ROR1: variants seen among roughly 807,000 people sequenced by gnomAD.
ROR1 encodes the protein inactive tyrosine-protein kinase transmembrane receptor ROR1.
Under a neutral mutation model 78.8 loss-of-function variants are expected in ROR1, and 19 were observed. That is an observed-to-expected ratio of 0.24 (90% CI 0.17 to 0.35). The LOEUF is 0.35. Ranked by LOEUF, ROR1 falls within the 10% of genes least tolerant of loss-of-function variation. The pLI is 1.00. For synonymous variants in ROR1, 386 were observed against 433.6 expected (o/e 0.89, Z 1.36); for missense variants, 917 against 1,177.8 (o/e 0.78, Z 3.24).
intron 1 of ROR1, among the ~76,000 whole-genome samples, chr1:63,886,779 G>A (rs1569862519): frequency 6.6e-6 from 1 of 151,936 alleles, no homozygotes. Flanking sequence ...CTCCATACTC[G>A]ACCACCCACC....
At chr1:63,936,749 C>T (rs1645797370) in intron 1 of ROR1, among the ~76,000 whole-genome samples, 3 of 152,182 alleles carry the variant, frequency 2.0e-5, no homozygotes. Flanking sequence ...TGAGCACTTT[C>T]CTTAGCTCCT....
Position 64,153,288 on chromosome 1 carries a change from T to A in ROR1, c.1175-5693T>A, listed in dbSNP as rs903006460. On this transcript the variant is annotated intron_variant, in intron 7 of 8. Coordinates refer to ENST00000371079, the MANE Select transcript of ROR1 (RefSeq NM_005012.4). ...GCAAGTGTGAAGAAATTGGAACCAT[T>A]GTGATCTGTTGATAGGAATGTAAAA... Among the ~76,000 whole-genome samples the A allele has an allele frequency of 3.3e-5, 5 of 152,306 alleles. No homozygotes were observed. In the East Asian group the frequency reaches 9.6e-4, roughly 29 times the overall value.
chr1:63,966,507 A>G (rs1646076743), intron 1 of ROR1, among the ~76,000 whole-genome samples: 1 of 152,200 alleles, frequency 6.6e-6, no homozygotes, highest in Non-Finnish European at 1.5e-5. Context: ...TCTGGAAACT[A>G]CAAAGTGTTA....
At chr1:63,852,031 C>T (rs556286575) in intron 1 of ROR1, among the ~76,000 whole-genome samples, 191 of 152,320 alleles carry the variant, frequency 1.3e-3, no homozygotes, top group Non-Finnish European at 2.2e-3. Flanking sequence ...CATTAGGTCA[C>T]GTAGATATTC....
intron 2 of ROR1, among the ~76,000 whole-genome samples, chr1:64,021,480 A>G (rs1455141430): frequency 6.6e-6 from 1 of 152,198 alleles, no homozygotes; most frequent in Non-Finnish European, 1.5e-5. Flanking sequence ...GGGAAGTACT[A>G]TTATACCTGA....
chr1:64,114,965 T>G (rs2086595798), intron 4 of ROR1, among the ~76,000 whole-genome samples: 1 of 152,108 alleles, frequency 6.6e-6, no homozygotes, highest in African/African-American at 2.4e-5. Flanking sequence ...ATAAGATGGT[T>G]GTTTGTTTGC....
intron 1 of ROR1, among the ~76,000 whole-genome samples, chr1:63,985,055 C>T (rs1646240175): frequency 6.6e-6 from 1 of 151,988 alleles, no homozygotes; most frequent in Non-Finnish European, 1.5e-5. Flanking sequence ...TACTACATAC[C>T]CAGGGTGTGT....
At chr1:64,142,144 A>G (rs1649335530) in intron 6 of ROR1, among the ~76,000 whole-genome samples, 1 of 152,148 alleles carries the variant, frequency 6.6e-6, no homozygotes, top group Non-Finnish European at 1.5e-5. Context: ...TTCTGTGTTC[A>G]ATGTTAGAAA....
chr1:64,062,348 G>A (rs1172079947), intron 4 of ROR1, among the ~76,000 whole-genome samples: 1 of 152,098 alleles, frequency 6.6e-6, no homozygotes, highest in Non-Finnish European at 1.5e-5. Flanking sequence ...GTCTTGCTCT[G>A]TTGCCCAGGC....
chr1:64,108,452 T>A (rs949910039), intron 4 of ROR1: 3 of 133,858 alleles, frequency 2.2e-5, no homozygotes, highest in Non-Finnish European at 3.1e-5. Flanking sequence ...TAGCTTTAAG[T>A]GCTAGGACAC....
At chr1:63,900,175 C>T (rs1569880386) in intron 1 of ROR1, among the ~76,000 whole-genome samples, 2 of 152,064 alleles carry the variant, frequency 1.3e-5, no homozygotes, top group South Asian at 2.1e-4. Context: ...AAAAGTTGGC[C>T]GGGCGTGGTG....
In ROR1 at chr1:64,142,447, C is replaced by A; in HGVS notation, c.971C>A (p.Thr324Asn). ...AGCACAGGTGTGGACTACCGGGGGA[C>A]CGTCAGTGTGACCAAATCAGGGCGC... is the stretch of plus-strand genomic sequence containing the variant. ...YNSTGVDYRG[T>N]VSVTKSGRQC... The change falls in exon 7 of 9, where the codon ACC (threonine) becomes AAC (asparagine). Residue 324 changes from threonine (T) to asparagine (N), a missense_variant. Physicochemically the swap from Thr to Asn is moderately conservative, Grantham distance 65 (BLOSUM62 0). Around this residue, in one of 3 missense-constraint regions of ROR1, gnomAD observed 835 missense variants for 1,069.8 expected, o/e 0.78. Coordinates refer to ENST00000371079, the MANE Select transcript of ROR1 (RefSeq NM_005012.4). 1 of 1,614,142 alleles carries A rather than the reference C, an allele frequency of 6.2e-7. No individual in the cohort carries two copies. Among genetic ancestry groups the A allele is most frequent in the Non-Finnish European group, 8.5e-7 (1 of 1,180,010 alleles).
chr1:63,823,841 G>C (rs1049114242), intron 1 of ROR1, among the ~76,000 whole-genome samples: 1 of 151,522 alleles, frequency 6.6e-6, no homozygotes, highest in Non-Finnish European at 1.5e-5. Context: ...TCTGCCTCCC[G>C]GGTTCAAGCC....
In ROR1 at chr1:63,853,925, T is replaced by A. The variant is rs374637637; in HGVS notation, c.91+79417T>A. On this transcript the variant is annotated intron_variant, in intron 1 of 8. Coordinates refer to ENST00000371079, the MANE Select transcript of ROR1 (RefSeq NM_005012.4). ...GATGGATAAAAACCATACGGTTTCATGTAAAGATCACCAGCTTCCCAGAAC... is the reference window on the plus strand; with the variant it reads ...GATGGATAAAAACCATACGGTTTCAAGTAAAGATCACCAGCTTCCCAGAAC... Among the ~76,000 whole-genome samples the A allele has an allele frequency of 1.4e-4, 21 of 152,304 alleles. No individual in the cohort carries two copies. In the East Asian group the frequency reaches 3.5e-3, roughly 25 times the overall value.
intron 1 of ROR1, among the ~76,000 whole-genome samples, chr1:63,999,088 A>G (rs1366835734): frequency 6.6e-6 from 1 of 152,214 alleles, no homozygotes; most frequent in Non-Finnish European, 1.5e-5. Context: ...AGTCTCGGGT[A>G]TGTCTTTATC....
At chr1:63,894,618 G>A (rs1246604819) in intron 1 of ROR1, among the ~76,000 whole-genome samples, 2 of 152,088 alleles carry the variant, frequency 1.3e-5, no homozygotes, top group African/African-American at 4.8e-5. Flanking sequence ...TGGGACAGGT[G>A]GGTAAGAGAA....
chr1:63,908,031 T>A (rs1645541887), intron 1 of ROR1, among the ~76,000 whole-genome samples: 1 of 152,210 alleles, frequency 6.6e-6, no homozygotes, highest in Non-Finnish European at 1.5e-5. Context: ...AATGCATAGA[T>A]AATGCATGGT....
intron 7 of ROR1, among the ~76,000 whole-genome samples, chr1:64,151,009 TACCA>T (rs1476876497): frequency 6.6e-6 from 1 of 152,188 alleles, no homozygotes; most frequent in Non-Finnish European, 1.5e-5. Flanking sequence ...TCTGATATAA[TACCA>T]CAATGATTGT....
intron 1 of ROR1, among the ~76,000 whole-genome samples, chr1:63,976,553 G>A (rs577746086): frequency 2.0e-5 from 3 of 152,202 alleles, no homozygotes; most frequent in East Asian, 3.9e-4. Context: ...GATATACACT[G>A]TTATGTACTA....
Sources: allele counts gnomAD v4.1 joint callset (sites outside exome capture counted in the v4.1 genomes callset), GRCh38; gene constraint gnomAD v4.1.1; regional missense constraint gnomAD v4.1.1; transcripts MANE v1.5; gene names NCBI Gene and HGNC (gene_info 2026-07-23, HGNC 2026-07-21).